The following TSC22D1 variants were observed in gnomAD, a reference collection of about 807,000 sequenced individuals.
TSC22D1 encodes the protein TSC22 domain family member 1.
In TSC22D1, 9 loss-of-function variants were observed where a neutral mutation model predicts 74.2. The observed-to-expected ratio is 0.12, with a 90% CI of 0.07 to 0.21. TSC22D1 has a LOEUF of 0.21. Ranked by LOEUF, TSC22D1 falls within the 10% of genes least tolerant of loss-of-function variation. The pLI is 1.00. For missense variants in TSC22D1, 1,427 were observed against 1,304.7 expected (o/e 1.09, Z -1.44); for synonymous variants, 586 against 492.5 (o/e 1.19, Z -2.51).
intron 1 of TSC22D1, chr13:44,436,308 A>T (rs1874619571): frequency 2.2e-6 from 2 of 922,990 alleles, no homozygotes; most frequent in Non-Finnish European, 3.3e-6. Context: ...CAAAGGACTA[A>T]ATTACATAAT....
chr13:44,464,262 T>C (rs1396860917), intron 1 of TSC22D1, among the ~76,000 whole-genome samples: 10 of 152,210 alleles, frequency 6.6e-5, no homozygotes, highest in Non-Finnish European at 7.4e-5. Flanking sequence ...AATTTTGTCT[T>C]CTACTTCCTA....
chr13:44,436,304 A>G, intron 1 of TSC22D1: 1 of 904,768 alleles, frequency 1.1e-6, no homozygotes, highest in Non-Finnish European at 1.7e-6. Flanking sequence ...GCCACAAAGG[A>G]CTAAATTACA....
intron 1 of TSC22D1, among the ~76,000 whole-genome samples, chr13:44,481,856 G>A (rs1878193402): frequency 6.6e-6 from 1 of 152,108 alleles, no homozygotes; most frequent in Non-Finnish European, 1.5e-5. Context: ...GTCCAATGTA[G>A]AAAGTATTCC....
intron 1 of TSC22D1, chr13:44,538,951 G>C: frequency 1.0e-6 from 1 of 985,350 alleles, no homozygotes; most frequent in Non-Finnish European, 1.2e-6. Context: ...GTCACAGAAG[G>C]AATCCACCAA....
At chr13:44,576,826 G>T (rs1884286089), upstream of TSC22D1, among the ~76,000 whole-genome samples, 1 of 151,504 alleles carries the variant, frequency 6.6e-6, no homozygotes. Flanking sequence ...CGCGGAGCAC[G>T]GCCGGGGCGC....
intron 1 of TSC22D1, among the ~76,000 whole-genome samples, chr13:44,454,758 T>C (rs1190849102): frequency 3.3e-5 from 5 of 152,140 alleles, no homozygotes; most frequent in Admixed American, 1.3e-4. Context: ...CCCATTCATA[T>C]AGAGGAGGAA....
chr13:44,474,838 G>A (rs1877807642), intron 1 of TSC22D1, among the ~76,000 whole-genome samples: 1 of 151,996 alleles, frequency 6.6e-6, no homozygotes, highest in African/African-American at 2.4e-5. Context: ...AGGCAAGCAG[G>A]TATCAAGAAG....
chr13:44,559,159 A>G (rs1471656432), intron 1 of TSC22D1, among the ~76,000 whole-genome samples: 1 of 152,212 alleles, frequency 6.6e-6, no homozygotes, highest in Non-Finnish European at 1.5e-5. Flanking sequence ...CTCTCAAAGA[A>G]AAGTTTAGGT....
At chr13:44,457,637 CAAAAAAAAAAA>C (rs10692086) in intron 1 of TSC22D1, among the ~76,000 whole-genome samples, 9 of 85,416 alleles carry the variant, frequency 1.1e-4, no homozygotes, top group Admixed American at 7.6e-4. Flanking sequence ...AAGCAAATAG[CAAAAAAAAAAA>C]AAAAAAAAAA....
intron 1 of TSC22D1, among the ~76,000 whole-genome samples, chr13:44,502,847 C>T (rs960743927): frequency 3.3e-5 from 5 of 152,186 alleles, no homozygotes; most frequent in African/African-American, 7.2e-5. Context: ...CAGACTACAC[C>T]TTATGACCTA....
intron 1 of TSC22D1, chr13:44,537,910 A>G (rs1211368286): frequency 1.1e-5 from 11 of 984,988 alleles, no homozygotes; most frequent in African/African-American, 7.0e-5. Context: ...TAGAATGTCT[A>G]TTCTTAAAAT....
intron 1 of TSC22D1, among the ~76,000 whole-genome samples, chr13:44,468,493 T>G (rs1324630258): frequency 6.7e-6 from 1 of 150,054 alleles, no homozygotes; most frequent in Non-Finnish European, 1.5e-5. Flanking sequence ...AACAGTCACC[T>G]GGGACACAGA....
Position 44,573,448 on chromosome 13 carries a change from G to T in TSC22D1, c.2627C>A (p.Pro876His). 1 of 1,614,256 alleles carries T rather than the reference G, an allele frequency of 6.2e-7. No homozygotes were observed. Among genetic ancestry groups the T allele is most frequent in the Non-Finnish European group, 8.5e-7 (1 of 1,180,056 alleles). Residue 876 changes from proline (P) to histidine (H), a missense_variant, in exon 1 of 3, where the codon CCC (proline) becomes CAC (histidine). Around this residue, in one of 3 missense-constraint regions of TSC22D1, gnomAD observed 1,343 missense variants for 1,191.5 expected, o/e 1.13. Transcript: ENST00000458659. ...GNLVQSVSQP[P>H]LIATNTNLPL... Reference sequence around the variant, plus strand: ...CAAATTTGTATTAGTTGCTATCAAGGGAGGTTGACTAACACTTTGAACCAA... The same window carrying T: ...CAAATTTGTATTAGTTGCTATCAAGTGAGGTTGACTAACACTTTGAACCAA...
chr13:44,516,976 C>A (rs1880019671), intron 1 of TSC22D1, among the ~76,000 whole-genome samples: 1 of 152,216 alleles, frequency 6.6e-6, no homozygotes. Flanking sequence ...GATCTCAGCT[C>A]TACACCAGGG....
chr13:44,570,960 AAAG>A (rs1263743011), intron 1 of TSC22D1, among the ~76,000 whole-genome samples: 2 of 152,354 alleles, frequency 1.3e-5, no homozygotes, highest in African/African-American at 4.8e-5. Context: ...AAAACACAAT[AAAG>A]AATATAATAT....
At chr13:44,436,862 G>T in intron 1 of TSC22D1, 1 of 1,253,996 alleles carries the variant, frequency 8.0e-7, no homozygotes, top group South Asian at 2.8e-5. Context: ...TCTAGACCAG[G>T]ACTCCCAGTC....
chr13:44,524,695 C>T (rs1262465861), intron 1 of TSC22D1, among the ~76,000 whole-genome samples: 2 of 152,156 alleles, frequency 1.3e-5, no homozygotes, highest in Admixed American at 1.3e-4. Flanking sequence ...ACCCGCCATG[C>T]CCAGCTAATT....
At position 44,438,270 on chromosome 13, in the gene TSC22D1, C is replaced by T. The variant is rs1312907539; in HGVS notation, c.2913-2175G>A. Among the ~76,000 whole-genome samples, 3 of 152,300 alleles carry T rather than the reference C, an allele frequency of 2.0e-5. No individual in the cohort carries two copies. The South Asian group carries it at 6.2e-4, about 32-fold the overall frequency. On this transcript the variant is annotated intron_variant, in intron 1 of 2. Coordinates refer to ENST00000458659, the MANE Select transcript of TSC22D1 (RefSeq NM_183422.4). ...TAAAATTGTGTCATCACAAATAATT[C>T]CAACATAAAATCTGACCGTAGAACA...
At chr13:44,491,338 G>C (rs1357571165) in intron 1 of TSC22D1, among the ~76,000 whole-genome samples, 3 of 152,144 alleles carry the variant, frequency 2.0e-5, no homozygotes, top group African/African-American at 7.2e-5. Context: ...TGGATCACAA[G>C]GTCAGGAGAT....
Sources: gnomAD v4.1 joint callset for allele counts (sites outside exome capture counted in the v4.1 genomes callset) on GRCh38, gnomAD v4.1.1 for gene constraint, gnomAD v4.1.1 regional missense constraint, MANE v1.5 for transcripts, NCBI Gene and HGNC (gene_info 2026-07-23, HGNC 2026-07-21) for gene names.